The following HIPK2 variants were observed in gnomAD, a reference collection of about 807,000 sequenced individuals.
The protein encoded by HIPK2 is homeodomain-interacting protein kinase 2.
In HIPK2, 27 loss-of-function variants were observed where a neutral mutation model predicts 113.7. The observed-to-expected ratio is 0.24, with a 90% CI of 0.17 to 0.33. The LOEUF (loss-of-function observed/expected upper bound fraction) is 0.33. Among genes scored for constraint, HIPK2 ranks in the 10% least tolerant of loss-of-function variants. The pLI is 1.00. For missense variants in HIPK2, 1,257 were observed against 1,588.0 expected, an observed-to-expected ratio of 0.79 and a Z score of 3.54; for synonymous variants, 631 against 642.2, an observed-to-expected ratio of 0.98 and a Z score of 0.26.
At chr7:139,711,269 T>C (rs1270796924) in intron 2 of HIPK2, among the ~76,000 whole-genome samples, 1 of 151,876 alleles carries the variant, frequency 6.6e-6, no homozygotes, top group Admixed American at 6.6e-5. Flanking sequence ...CTACTAAAAA[T>C]ACAAAAAAAT....
Position 139,578,816 on chromosome 7 carries a change from G to A in HIPK2, c.2966-3528C>T, listed in dbSNP as rs149833659. ...CTTCCGAGTAGCTGGGATTACAGGT[G>A]TGTGCCACCAAACCTGGCTATTTTT... On this transcript the variant is annotated intron_variant, in intron 13 of 14. Coordinates refer to ENST00000406875, the MANE Select transcript of HIPK2 (RefSeq NM_022740.5). Among the ~76,000 whole-genome samples, 777 of 152,234 alleles carry A rather than the reference G, an allele frequency of 5.1e-3. 6 individuals carry two copies. The highest frequency in any genetic ancestry group is 0.017 in the African/African-American group (688 of 41,532).
At chr7:139,588,343 A>G (rs773816985) in intron 12 of HIPK2, among the ~76,000 whole-genome samples, 102 of 151,342 alleles carry the variant, frequency 6.7e-4, no homozygotes, top group Non-Finnish European at 9.6e-4. Context: ...CCCTGCTGAA[A>G]AAAAAAAACA....
At chr7:139,577,333 TAG>T (rs1798527012) in intron 13 of HIPK2, among the ~76,000 whole-genome samples, 1 of 151,982 alleles carries the variant, frequency 6.6e-6, no homozygotes, top group African/African-American at 2.4e-5. Flanking sequence ...GTATTTTTAG[TAG>T]AGACAGGGTT....
intron 2 of HIPK2, among the ~76,000 whole-genome samples, chr7:139,633,766 G>A (rs1800704857): frequency 6.6e-6 from 1 of 151,998 alleles, no homozygotes; most frequent in African/African-American, 2.4e-5. Context: ...TCAACATGGT[G>A]AAACCCTGTC....
intron 1 of HIPK2, among the ~76,000 whole-genome samples, chr7:139,728,796 G>C (rs936364977): frequency 6.6e-6 from 1 of 152,056 alleles, no homozygotes; most frequent in Admixed American, 6.5e-5. Context: ...AAGTCTCTTC[G>C]GTTTTCCCTT....
At chr7:139,586,099 C>T (rs540025863) in intron 12 of HIPK2, among the ~76,000 whole-genome samples, 2 of 151,992 alleles carry the variant, frequency 1.3e-5, no homozygotes, top group Non-Finnish European at 1.5e-5. Context: ...TCAGATGAAT[C>T]GTACAGATGA....
intron 2 of HIPK2, among the ~76,000 whole-genome samples, chr7:139,633,811 G>A (rs1476602956): frequency 1.3e-5 from 2 of 152,072 alleles, no homozygotes; most frequent in East Asian, 3.9e-4. Flanking sequence ...CAGGCGTGGT[G>A]GCGCAGGTCT....
chr7:139,665,040 T>TCTC (rs113498879), intron 2 of HIPK2, among the ~76,000 whole-genome samples: 23 of 131,626 alleles, frequency 1.7e-4, no homozygotes, highest in African/African-American at 3.3e-4. Context: ...TTTCTCTCTC[T>TCTC]TTTTTTTTTT....
intron 2 of HIPK2, among the ~76,000 whole-genome samples, chr7:139,634,470 G>A (rs1386126260): frequency 1.3e-5 from 2 of 151,980 alleles, no homozygotes; most frequent in African/African-American, 4.8e-5. Context: ...CTGCACCCTT[G>A]TCTTCCATGT....
At chr7:139,641,884 C>G (rs781328064) in intron 2 of HIPK2, among the ~76,000 whole-genome samples, 8 of 152,238 alleles carry the variant, frequency 5.3e-5, no homozygotes, top group Non-Finnish European at 8.8e-5. Context: ...ACAGGCGGAG[C>G]TGTGCATTTC....
intron 7 of HIPK2, among the ~76,000 whole-genome samples, chr7:139,618,875 C>T (rs1242762122): frequency 6.6e-6 from 1 of 152,144 alleles, no homozygotes; most frequent in Non-Finnish European, 1.5e-5. Context: ...CCAGGTGCCT[C>T]ATGAGGGCTG....
At chr7:139,582,104 G>C (rs1338519054) in intron 13 of HIPK2, among the ~76,000 whole-genome samples, 3 of 152,212 alleles carry the variant, frequency 2.0e-5, no homozygotes, top group Non-Finnish European at 4.4e-5. Context: ...CTTCCTGGCA[G>C]GGTTTCCACC....
chr7:139,707,906 T>C (rs755804650), intron 2 of HIPK2, among the ~76,000 whole-genome samples: 1 of 151,942 alleles, frequency 6.6e-6, no homozygotes, highest in African/African-American at 2.4e-5. Flanking sequence ...AGTCCAGGCG[T>C]TCCCCTCCTA....
chr7:139,752,240 T>C (rs146214224), intron 1 of HIPK2, among the ~76,000 whole-genome samples: 2 of 152,330 alleles, frequency 1.3e-5, no homozygotes, highest in Non-Finnish European at 2.9e-5. Flanking sequence ...GCTCCTTTGC[T>C]AGAAAAGGGA....
chr7:139,709,499 C>T (rs1465577779), intron 2 of HIPK2, among the ~76,000 whole-genome samples: 2 of 152,162 alleles, frequency 1.3e-5, no homozygotes, highest in Admixed American at 6.5e-5. Flanking sequence ...TTAGAATATG[C>T]TCTGTTCTCT....
chr7:139,595,018 T>C lies in HIPK2; in HGVS notation c.2717+1699A>G, dbSNP rs552109644. The stretch of plus-strand genomic sequence containing the variant: ...TCCACTCTCAGCCCTGTCAGCTCTC[T>C]GACTGGTGGAGAGACGGCTCTCTCA... On this transcript the variant is annotated intron_variant, in intron 12 of 14. Transcript: ENST00000406875. Among the ~76,000 whole-genome samples the C allele has an allele frequency of 9.2e-5, 14 of 152,328 alleles. No homozygotes were observed. In the South Asian group the frequency reaches 2.9e-3, roughly 32 times the overall value.
intron 2 of HIPK2, among the ~76,000 whole-genome samples, chr7:139,688,323 C>G (rs1794291260): frequency 6.6e-6 from 1 of 152,206 alleles, no homozygotes; most frequent in Admixed American, 6.5e-5. Context: ...TCCACTTTTT[C>G]CTTTTCAAAC....
chr7:139,748,062 G>A (rs996966143), intron 1 of HIPK2, among the ~76,000 whole-genome samples: 4 of 152,026 alleles, frequency 2.6e-5, no homozygotes, highest in Non-Finnish European at 5.9e-5. Context: ...TTGTGGTCTT[G>A]AAGAAAATAT....
chr7:139,623,025 G>C (rs566087140), intron 6 of HIPK2, among the ~76,000 whole-genome samples: 2 of 152,216 alleles, frequency 1.3e-5, no homozygotes, highest in African/African-American at 4.8e-5. Flanking sequence ...AGACGGCTAA[G>C]AGGACCTCTG....
Sources: allele counts gnomAD v4.1 joint callset (sites outside exome capture counted in the v4.1 genomes callset), GRCh38; gene constraint gnomAD v4.1.1; transcripts MANE v1.5; gene names NCBI Gene and HGNC (gene_info 2026-07-23, HGNC 2026-07-21).